Variants in LOXL4 observed in about 807,000 individuals in gnomAD.
LOXL4 encodes lysyl oxidase like 4.
Under a neutral mutation model 89.1 loss-of-function variants are expected in LOXL4, and 72 were observed. The ratio of observed to expected loss-of-function variants is 0.81; its 90% CI spans 0.67 to 0.98. The LOEUF (loss-of-function observed/expected upper bound fraction) is 0.98. Ranked by LOEUF, LOXL4 falls within the 50% of genes least tolerant of loss-of-function variation. The pLI is 0.00. For missense variants in LOXL4, 984 were observed against 1,017.5 expected (o/e 0.97, Z 0.45); for synonymous variants, 355 against 392.1 (o/e 0.91, Z 1.12).
At position 98,248,718 on chromosome 10, in the gene LOXL4, C is replaced by T; in HGVS notation, c.*203G>A. ...GGACATATTCCATAGGCCACAGGCCCTTAGGGGCAGGCCCAGAGCCATCCT... is the reference window on the plus strand; with the variant it reads ...GGACATATTCCATAGGCCACAGGCCTTTAGGGGCAGGCCCAGAGCCATCCT... On this transcript the variant is annotated 3_prime_UTR_variant, in exon 15 of 15. Transcript: ENST00000260702. The T allele has an allele frequency of 1.7e-6, 1 of 572,316 alleles. No homozygotes were observed. 35.5% of individuals were successfully genotyped at this position (572,316 alleles called of 1,614,324 possible).
intron 9 of LOXL4, 191 bp from the exon 10 acceptor site, chr10:98,255,930 A>G: frequency 1.8e-6 from 1 of 570,428 alleles, no homozygotes; most frequent in Non-Finnish European, 3.0e-6. Context: ...GATGTTAGAA[A>G]TCCCCACCAC....
At chr10:98,258,980 G>A in intron 6 of LOXL4, 29 bp downstream of exon 6, 1 of 1,494,304 alleles carries the variant, frequency 6.7e-7, no homozygotes, top group East Asian at 2.5e-5. Context: ...TCCAAGCTGT[G>A]GTGTGAGTGC....
At chr10:98,251,864 G>A (rs1478030558) in intron 12 of LOXL4, among the ~76,000 whole-genome samples, 162 bp from the exon 13 acceptor site, 2 of 152,328 alleles carry the variant, frequency 1.3e-5, no homozygotes, top group South Asian at 4.1e-4. Flanking sequence ...ACCACATTGT[G>A]ACAAAGATAG....
intron 11 of LOXL4, 152 bp from the exon 12 acceptor site, chr10:98,252,620 T>C (rs552527561): frequency 4.3e-4 from 256 of 593,124 alleles, no homozygotes; most frequent in African/African-American, 4.1e-3. Context: ...CCGAGATTAG[T>C]GTGACGCACA....
intron 4 of LOXL4, among the ~76,000 whole-genome samples, chr10:98,260,571 C>G (rs1858508242): frequency 6.6e-6 from 1 of 152,098 alleles, no homozygotes; most frequent in Non-Finnish European, 1.5e-5. Flanking sequence ...TTCCCAGGAT[C>G]CTGAAGGTCC....
At chr10:98,261,865 CTATT>C (rs1445644019) in intron 3 of LOXL4, among the ~76,000 whole-genome samples, 166 bp downstream of exon 3, 2 of 152,218 alleles carry the variant, frequency 1.3e-5, no homozygotes, top group African/African-American at 4.8e-5. Flanking sequence ...CTGGGGCCCT[CTATT>C]TATGCACCTG....
In LOXL4 at chr10:98,262,103, C is replaced by A; in HGVS notation, c.388G>T (p.Val130Leu). 6.2e-7 allele frequency: 1 copy of A among 1,613,330 alleles called. No homozygotes were observed. The highest frequency in any genetic ancestry group is 8.5e-7 in the Non-Finnish European group (1 of 1,179,916). The change falls in exon 3 of 15, where the codon GTG becomes TTG. Residue 130 changes from valine (V) to leucine (L), a missense_variant. Val to Leu is a conservative substitution (Grantham distance 32). Coordinates refer to ENST00000260702, the MANE Select transcript of LOXL4 (RefSeq NM_032211.7). ...CGATGGCGCCGGGGGTGGCATATCA[C>A]CCCTACGTCTTCTGAGTGACTGCAG... is the stretch of plus-strand genomic sequence containing the variant. Reference protein sequence around the residue: ...SDCSHSEDVGVICHPRRHRGY... With the variant: ...SDCSHSEDVGLICHPRRHRGY...
Position 98,252,425 on chromosome 10 carries a change from T to A in LOXL4, c.1879A>T (p.Thr627Ser), listed in dbSNP as rs1173228720. 1.2e-6 allele frequency: 2 copies of A among 1,613,752 alleles called. No homozygotes were observed. The change falls in exon 12 of 15, where the codon ACT becomes TCT. Residue 627 changes from threonine (T) to serine (S), a missense_variant. Transcript: ENST00000260702. ...IEVFTHYDLL[T>S]LNGSKVAEGH... ...TCAGCCACCTTGGAGCCATTGAGAG[T>A]GAGGAGGTCGTAGTGGGTGAAGACC... is the stretch of plus-strand genomic sequence containing the variant.
chr10:98,250,305 A>G (rs987636543), intron 14 of LOXL4, among the ~76,000 whole-genome samples: 2 of 152,216 alleles, frequency 1.3e-5, no homozygotes, highest in Non-Finnish European at 2.9e-5. Flanking sequence ...CTCAGCATTC[A>G]GTCCACACAT....
chr10:98,258,224 C>A (rs1321215702), intron 6 of LOXL4, 60 bp from the exon 7 acceptor site: 13 of 1,509,966 alleles, frequency 8.6e-6, no homozygotes, highest in Non-Finnish European at 1.2e-5. Flanking sequence ...GGGGCTGAGC[C>A]CCCACAGCGG....
chr10:98,251,888 G>T (rs1858203482), intron 12 of LOXL4, 186 bp from the exon 13 acceptor site: 2 of 672,728 alleles, frequency 3.0e-6, no homozygotes, highest in Non-Finnish European at 4.9e-6. Flanking sequence ...TTGTTTGACT[G>T]CTCCAGTGCA....
At chr10:98,251,788 A>C (rs1258429607) in intron 12 of LOXL4, 86 bp from the exon 13 acceptor site, 3 of 1,506,122 alleles carry the variant, frequency 2.0e-6, no homozygotes. Context: ...CAGTGTCATC[A>C]TGCCCAGTTC....
chr10:98,258,180 T>C lies in LOXL4; in HGVS notation c.922-16A>G. 6.2e-7 allele frequency: 1 copy of C among 1,602,512 alleles called. No homozygotes were observed. The highest frequency in any genetic ancestry group is 8.5e-7 in the Non-Finnish European group (1 of 1,172,816). ...CCCTCGGCTCCTGCTGGGAGAAACC[T>C]GCTTCAGGGACGGCTGAGGAGGAGG... On this transcript the variant is annotated splice_polypyrimidine_tract_variant and intron_variant, in intron 6 of 14. Transcript: ENST00000260702.
chr10:98,249,869 C>T (rs563430123), intron 14 of LOXL4, among the ~76,000 whole-genome samples: 2 of 152,318 alleles, frequency 1.3e-5, no homozygotes, highest in Admixed American at 6.5e-5. Flanking sequence ...CACACAAATT[C>T]GAAACCTTAG....
Position 98,251,046 on chromosome 10 carries a change from C to T in LOXL4, c.2200+19G>A. The T allele has an allele frequency of 6.3e-7, 1 of 1,587,922 alleles. No homozygotes were observed. The highest frequency in any genetic ancestry group is 1.7e-5 in the Admixed American group (1 of 59,936). On this transcript the variant is annotated intron_variant, in intron 14 of 14. Coordinates refer to ENST00000260702, the MANE Select transcript of LOXL4 (RefSeq NM_032211.7). ...CCCTGAGCCTATAGATGGCTGATTC[C>T]ACAGTGGCTCGGAGTTACCTGTGTG... is the stretch of plus-strand genomic sequence containing the variant.
In LOXL4 at chr10:98,262,995, G is replaced by A; in HGVS notation, c.25C>T (p.Leu9Phe). 1 of 1,613,636 alleles carries A rather than the reference G, an allele frequency of 6.2e-7. No individual in the cohort carries two copies. Among genetic ancestry groups the A allele is most frequent in the Non-Finnish European group, 8.5e-7 (1 of 1,179,960 alleles). The change falls in exon 2 of 15, where the codon CTC (leucine) becomes TTC (phenylalanine). Residue 9 changes from leucine (L) to phenylalanine (F), a missense_variant. Physicochemically the swap from Leu to Phe is conservative, Grantham distance 22. Coordinates refer to ENST00000260702, the MANE Select transcript of LOXL4 (RefSeq NM_032211.7). Reference sequence around the variant, plus strand: ...CCTAGCAGCAGCAGGAACAGAAAGAGGGTGGCTGGTGGGGACCACGCCATG... The same window carrying A: ...CCTAGCAGCAGCAGGAACAGAAAGAAGGTGGCTGGTGGGGACCACGCCATG... MAWSPPAT[L>F]FLFLLLLGQP... is the part of the protein sequence containing the mutation.
Position 98,248,854 on chromosome 10 carries a change from G to A in LOXL4, c.*67C>T. ...TTCCTCTGAGTTGGGACTCTGTGAA[G>A]GGCATGGCTCCAATAAGCTGAGGTA... On this transcript the variant is annotated 3_prime_UTR_variant, in exon 15 of 15. Coordinates refer to ENST00000260702, the MANE Select transcript of LOXL4 (RefSeq NM_032211.7). 1 of 1,428,356 alleles carries A rather than the reference G, an allele frequency of 7.0e-7. No homozygotes were observed. Among genetic ancestry groups the A allele is most frequent in the Non-Finnish European group, 9.8e-7 (1 of 1,023,446 alleles). 88.5% of individuals were successfully genotyped at this position (1,428,356 alleles called of 1,614,324 possible).
chr10:98,259,574 T>C, intron 4 of LOXL4, 145 bp from the exon 5 acceptor site: 4 of 775,476 alleles, frequency 5.2e-6, no homozygotes, highest in Non-Finnish European at 6.6e-6. Flanking sequence ...ATGCTGAGCT[T>C]CACAGCAGCC....
rs377758453 is a variant in LOXL4 at position 98,262,084 on chromosome 10, C to T, written c.407G>A (p.Arg136His). The change falls in exon 3 of 15, where the codon CGC becomes CAC. Residue 136 changes from arginine (R) to histidine (H), a missense_variant. Transcript: ENST00000260702. ...EDVGVICHPRRHRGYLSETVS... is the reference protein window; with the variant it reads ...EDVGVICHPRHHRGYLSETVS... ...AGTTTCAGAAAGGTAGCCACGATGG[C>T]GCCGGGGGTGGCATATCACCCCTAC... The T allele has an allele frequency of 2.3e-5, 37 of 1,612,210 alleles. No homozygotes were observed. The highest frequency in any genetic ancestry group is 1.1e-4 in the East Asian group (5 of 44,818).
Sources: allele counts gnomAD v4.1 joint callset (sites outside exome capture counted in the v4.1 genomes callset), GRCh38; gene constraint gnomAD v4.1.1; transcripts MANE v1.5; gene names NCBI Gene and HGNC (gene_info 2026-07-23, HGNC 2026-07-21).